The following BBS9 variants were observed in gnomAD, a reference collection of about 807,000 sequenced individuals.
The protein encoded by BBS9 is Bardet-Biedl syndrome 9, also known as protein PTHB1.
A neutral mutation model predicts 117.7 loss-of-function variants in BBS9; 89 were observed. The ratio of observed to expected loss-of-function variants is 0.76; its 90% CI spans 0.64 to 0.90. The LOEUF is 0.90. Among genes scored for constraint, BBS9 ranks in the 40% least tolerant of loss-of-function variants. The probability of loss-of-function intolerance (pLI) is 0.00; values close to 1 mark genes in which losing one functional copy is unlikely to be tolerated. For missense variants in BBS9, 982 were observed against 1,042.2 expected, an observed-to-expected ratio of 0.94 and a Z score of 0.80; for synonymous variants, 379 against 370.9, an observed-to-expected ratio of 1.02 and a Z score of -0.25.
At chr7:33,154,446 A>G (rs1190506120) in intron 3 of BBS9, among the ~76,000 whole-genome samples, 1 of 152,090 alleles carries the variant, frequency 6.6e-6, no homozygotes, top group Non-Finnish European at 1.5e-5. Flanking sequence ...CTGCTTGTAC[A>G]TGTGAGCCTG....
chr7:33,561,407 A>G (rs775389543), intron 21 of BBS9, among the ~76,000 whole-genome samples: 1 of 152,166 alleles, frequency 6.6e-6, no homozygotes, highest in Non-Finnish European at 1.5e-5. Flanking sequence ...AGCTCAAAGG[A>G]TGGAGGAAGA....
At chr7:33,230,810 C>A (rs55725343) in intron 5 of BBS9, among the ~76,000 whole-genome samples, 2,622 of 152,220 alleles carry the variant, frequency 0.017, 62 homozygotes, top group African/African-American at 0.059. Flanking sequence ...TTTCTTTATC[C>A]ACTCATTAAT....
At chr7:33,585,331 A>G (rs1278122450) in intron 21 of BBS9, among the ~76,000 whole-genome samples, 1 of 152,106 alleles carries the variant, frequency 6.6e-6, no homozygotes, top group Non-Finnish European at 1.5e-5. Context: ...TGGAGTATAT[A>G]CCATGATCTT....
At chr7:33,224,105 A>G (rs1256953549) in intron 5 of BBS9, among the ~76,000 whole-genome samples, 1 of 152,210 alleles carries the variant, frequency 6.6e-6, no homozygotes, top group Non-Finnish European at 1.5e-5. Flanking sequence ...TAAAATTCTG[A>G]TATGAAATAT....
At chr7:33,492,902 T>C (rs1186232910) in intron 19 of BBS9, among the ~76,000 whole-genome samples, 1 of 151,586 alleles carries the variant, frequency 6.6e-6, no homozygotes, top group East Asian at 1.9e-4. Context: ...GCTTGGGCTT[T>C]GTAGGTTTTA....
intron 5 of BBS9, among the ~76,000 whole-genome samples, chr7:33,189,883 TAAAAAAA>T (rs372582478): frequency 7.1e-5 from 9 of 127,158 alleles, no homozygotes; most frequent in Non-Finnish European, 1.2e-4. Context: ...GACTCTGTCT[TAAAAAAA>T]AAAAAAAAAA....
At chr7:33,412,391 TC>T (rs1378347234) in intron 19 of BBS9, among the ~76,000 whole-genome samples, 4 of 152,192 alleles carry the variant, frequency 2.6e-5, no homozygotes, top group Non-Finnish European at 5.9e-5. Flanking sequence ...AGCTCTCTGG[TC>T]CTGTCCCAAG....
chr7:33,264,945 G>A (rs1021641213), intron 7 of BBS9, among the ~76,000 whole-genome samples: 2 of 152,120 alleles, frequency 1.3e-5, no homozygotes, highest in Admixed American at 1.3e-4. Context: ...AAAATTCACA[G>A]CTCACAAAGA....
chr7:33,407,848 G>C (rs1325791965), intron 19 of BBS9, among the ~76,000 whole-genome samples: 1 of 152,196 alleles, frequency 6.6e-6, no homozygotes, highest in Admixed American at 6.5e-5. Flanking sequence ...GCCCCTACTG[G>C]GCTGTGCCTC....
At chr7:33,614,566 A>G (rs1288770094) in intron 21 of BBS9, among the ~76,000 whole-genome samples, 4 of 152,044 alleles carry the variant, frequency 2.6e-5, no homozygotes, top group African/African-American at 9.7e-5. Context: ...AGAAAAATAC[A>G]GGTGCATACA....
At chr7:33,380,432 G>A (rs1353312681) in intron 17 of BBS9, 2 of 154,470 alleles carry the variant, frequency 1.3e-5, no homozygotes, top group Non-Finnish European at 2.9e-5. Flanking sequence ...TCCAAGCCTG[G>A]AAGGAATTAC....
chr7:33,546,092 C>G (rs954536856), intron 21 of BBS9, among the ~76,000 whole-genome samples: 7 of 151,744 alleles, frequency 4.6e-5, no homozygotes, highest in African/African-American at 7.3e-5. Flanking sequence ...TGCCACCGCG[C>G]CTGGCTAATT....
intron 19 of BBS9, among the ~76,000 whole-genome samples, chr7:33,391,317 G>T (rs371537642): frequency 1.3e-5 from 2 of 151,988 alleles, no homozygotes; most frequent in African/African-American, 2.4e-5. Context: ...CCAACGTACC[G>T]CTTTAAAATT....
intron 20 of BBS9, among the ~76,000 whole-genome samples, chr7:33,526,181 A>G (rs1849469173): frequency 6.6e-6 from 1 of 151,348 alleles, no homozygotes; most frequent in African/African-American, 2.4e-5. Flanking sequence ...TGCCCTTAAC[A>G]TTTTTTCCTA....
chr7:33,537,547 T>C (rs1214191215), intron 21 of BBS9, among the ~76,000 whole-genome samples: 1 of 152,230 alleles, frequency 6.6e-6, no homozygotes, highest in Non-Finnish European at 1.5e-5. Context: ...GAATCTACTT[T>C]CGTTAAATAT....
chr7:33,268,509 T>G (rs547339150), intron 7 of BBS9, among the ~76,000 whole-genome samples: 16 of 152,232 alleles, frequency 1.1e-4, no homozygotes, highest in Non-Finnish European at 2.1e-4. Context: ...TTTAAGGGAT[T>G]GCTGTGCTTT....
chr7:33,250,810 G>A (rs963747737), intron 5 of BBS9, among the ~76,000 whole-genome samples: 1 of 152,168 alleles, frequency 6.6e-6, no homozygotes, highest in African/African-American at 2.4e-5. Flanking sequence ...ATTTATTAAT[G>A]TATCTCCTAT....
At chr7:33,611,219 T>C (rs1864838469) in intron 21 of BBS9, among the ~76,000 whole-genome samples, 1 of 151,968 alleles carries the variant, frequency 6.6e-6, no homozygotes, top group Non-Finnish European at 1.5e-5. Context: ...ATGTCACCTG[T>C]GAACTCTCAT....
chr7:33,566,394 ATG>A (rs1856939572), intron 21 of BBS9, among the ~76,000 whole-genome samples: 1 of 151,904 alleles, frequency 6.6e-6, no homozygotes, highest in Non-Finnish European at 1.5e-5. Context: ...TGTATACATT[ATG>A]TATATATATT....
Sources: allele counts gnomAD v4.1 joint callset (sites outside exome capture counted in the v4.1 genomes callset), GRCh38; gene constraint gnomAD v4.1.1; transcripts MANE v1.5; gene names NCBI Gene and HGNC (gene_info 2026-07-23, HGNC 2026-07-21).